The following ANK2 variants were observed in gnomAD, a reference collection of about 807,000 sequenced individuals.
ANK2 encodes ankyrin-2.
ANK2 carries 83 observed loss-of-function variants against 360.5 expected under a neutral mutation model. The observed-to-expected ratio is 0.23, with a 90% CI of 0.19 to 0.28. The LOEUF (loss-of-function observed/expected upper bound fraction) is 0.28. Ranked by LOEUF, ANK2 falls within the 10% of genes least tolerant of loss-of-function variation. The pLI, the probability that ANK2 is intolerant of heterozygous loss-of-function variation, is 1.00. For missense variants in ANK2, 4,201 were observed against 4,795.7 expected (o/e 0.88, Z 3.66); for synonymous variants, 1,740 against 1,759.5 (o/e 0.99, Z 0.28).
intron 2 of ANK2, among the ~76,000 whole-genome samples, chr4:112,988,701 A>C (rs1264406539): frequency 6.6e-6 from 1 of 152,256 alleles, no homozygotes; most frequent in Non-Finnish European, 1.5e-5. Context: ...CTCATGACTT[A>C]TAACCTTCTT....
At chr4:112,817,206 T>C (rs1322076167), upstream of ANK2, among the ~76,000 whole-genome samples, 1 of 152,130 alleles carries the variant, frequency 6.6e-6, no homozygotes, top group Non-Finnish European at 1.5e-5. Context: ...AAAACCTGAT[T>C]TTTTTTACCA....
At chr4:112,815,222 A>G (rs1313568435), upstream of ANK2, among the ~76,000 whole-genome samples, 2 of 152,102 alleles carry the variant, frequency 1.3e-5, no homozygotes, top group African/African-American at 2.4e-5. Context: ...ATTACTTTCT[A>G]TGTATTTGAT....
At chr4:113,128,797 T>C (rs976854745) in intron 1 of ANK2, among the ~76,000 whole-genome samples, 8 of 152,146 alleles carry the variant, frequency 5.3e-5, no homozygotes, top group Non-Finnish European at 1.0e-4. Context: ...TTGTTTTTAA[T>C]ATATACACAG....
At chr4:113,001,555 T>C (rs79049933) in intron 2 of ANK2, among the ~76,000 whole-genome samples, 1 of 151,912 alleles carries the variant, frequency 6.6e-6, no homozygotes, top group African/African-American at 2.4e-5. Context: ...TCTCCATATT[T>C]TAATTAAGTG....
intron 41 of ANK2, 47 bp downstream of exon 41, chr4:113,365,229 GT>G: frequency 6.5e-7 from 1 of 1,547,166 alleles, no homozygotes; most frequent in Admixed American, 1.8e-5. Context: ...GTGTGTGTGT[GT>G]GTTGTGTCTG....
At position 113,336,691 on chromosome 4, in the gene ANK2, A is replaced by G. The variant is rs1288146739; in HGVS notation, c.3706A>G (p.Thr1236Ala). ...AAAATTCCACAAACCAATTACCATGACCATTCCTGTCCCCAAAGCTTCAAG... is the reference window on the plus strand; with the variant it reads ...AAAATTCCACAAACCAATTACCATGGCCATTCCTGTCCCCAAAGCTTCAAG... ...RRKFHKPITM[T>A]IPVPKASSDV... The change falls in exon 31 of 46, where the codon ACC becomes GCC. Residue 1236 changes from threonine to alanine, a missense_variant. Coordinates refer to ENST00000357077, the MANE Select transcript of ANK2 (RefSeq NM_001148.6). 1 of 1,614,128 alleles carries G rather than the reference A, an allele frequency of 6.2e-7. No individual in the cohort carries two copies. The highest frequency in any genetic ancestry group is 1.1e-5 in the South Asian group (1 of 91,070).
At chr4:112,895,065 G>GC (rs1384316365) in intron 1 of ANK2, among the ~76,000 whole-genome samples, 1 of 152,220 alleles carries the variant, frequency 6.6e-6, no homozygotes, top group Non-Finnish European at 1.5e-5. Context: ...TGATGGAGAT[G>GC]CTTAGAGATG....
intron 2 of ANK2, among the ~76,000 whole-genome samples, chr4:113,175,217 G>A (rs1290461131): frequency 6.6e-6 from 1 of 152,076 alleles, no homozygotes; most frequent in African/African-American, 2.4e-5. Flanking sequence ...AATAATTCTG[G>A]CTAATTTTAA....
At chr4:113,364,060 T>G (rs2096394333) in intron 40 of ANK2, among the ~76,000 whole-genome samples, 1 of 152,206 alleles carries the variant, frequency 6.6e-6, no homozygotes, top group Non-Finnish European at 1.5e-5. Flanking sequence ...TATTTGTTAT[T>G]GTTTGTTTAT....
intron 2 of ANK2, among the ~76,000 whole-genome samples, chr4:112,965,293 A>G (rs967318736): frequency 6.6e-6 from 1 of 152,092 alleles, no homozygotes; most frequent in Non-Finnish European, 1.5e-5. Context: ...TGCCATTTGT[A>G]TGTCTTCTTT....
At chr4:113,011,231 T>C (rs1483233542) in intron 2 of ANK2, among the ~76,000 whole-genome samples, 2 of 152,132 alleles carry the variant, frequency 1.3e-5, no homozygotes, top group African/African-American at 4.8e-5. Flanking sequence ...TCAGGTGAGA[T>C]AAAATGTTTA....
rs544242741 is a variant in ANK2 at position 112,819,133 on chromosome 4, C to T, written c.-40+869C>T. On this transcript the variant is annotated intron_variant, in intron 1 of 30. Coordinates refer to the ANK2 transcript ENST00000503271. The stretch of plus-strand genomic sequence containing the variant: ...AGCAAAGGAATAAATTCAATAACAT[C>T]TTTCTCTTCCTCCTGAGCATATAAC... 1.2e-4 allele frequency among the ~76,000 whole-genome samples: 18 copies of T among 152,086 alleles called. No individual in the cohort carries two copies. The East Asian group carries it at 3.3e-3, about 28-fold the overall frequency.
At chr4:112,964,670 C>T (rs1360626680) in intron 2 of ANK2, among the ~76,000 whole-genome samples, 4 of 151,474 alleles carry the variant, frequency 2.6e-5, no homozygotes, top group African/African-American at 4.9e-5. Flanking sequence ...TCCAGGTTCA[C>T]GCCATTCTCC....
chr4:112,819,431 C>T (rs2056357258), intron 1 of ANK2, among the ~76,000 whole-genome samples: 1 of 152,184 alleles, frequency 6.6e-6, no homozygotes. Context: ...GGGCCAAACA[C>T]TGATTCCAGA....
chr4:113,336,089 C>G (rs199792407), intron 30 of ANK2, 32 bp downstream of exon 30: 1 of 1,602,844 alleles, frequency 6.2e-7, no homozygotes, highest in Non-Finnish European at 8.5e-7. Context: ...ATGATCCTAA[C>G]AGGATTGTAT....
chr4:112,783,555 A>G, the ANK2 span, among the ~76,000 whole-genome samples: 1 of 152,128 alleles, frequency 6.6e-6, no homozygotes, highest in Non-Finnish European at 1.5e-5. Context: ...ATTTCTTGAT[A>G]GCATACTATT....
rs1327059027 is a variant in ANK2, at chr4:113,358,005, T to C, written c.9387T>C (p.Phe3129=). 1 of 1,613,936 alleles carries C rather than the reference T, an allele frequency of 6.2e-7. No homozygotes were observed. The stretch of plus-strand genomic sequence containing the variant: ...AAAGGTCCTATGCAGATGAAAGTTT[T>C]CACTTTTTCCAAATTGGTCAAGAAT... The part of the protein sequence containing the change: ...MTKRSYADES[F]HFFQIGQESR... The change falls in exon 38 of 46, where the codon TTT becomes TTC. Residue 3129 remains phenylalanine (F), a synonymous_variant. Coordinates refer to ENST00000357077, the MANE Select transcript of ANK2 (RefSeq NM_001148.6).
upstream of ANK2, among the ~76,000 whole-genome samples, chr4:112,817,150 C>T (rs1442431461): frequency 6.6e-6 from 1 of 152,162 alleles, no homozygotes; most frequent in African/African-American, 2.4e-5. Context: ...ATTATTCTTA[C>T]CTTAAAGATT....
At chr4:112,913,733 T>C (rs573326526) in intron 2 of ANK2, among the ~76,000 whole-genome samples, 1 of 152,316 alleles carries the variant, frequency 6.6e-6, no homozygotes, top group Admixed American at 6.5e-5. Flanking sequence ...CTGTTTTTGT[T>C]CAGTAACTTG....
Sources: gnomAD v4.1 joint callset for allele counts (sites outside exome capture counted in the v4.1 genomes callset) on GRCh38, gnomAD v4.1.1 for gene constraint, MANE v1.5 for transcripts, NCBI Gene and HGNC (gene_info 2026-07-23, HGNC 2026-07-21) for gene names.